NRCAM: variants seen among roughly 807,000 people sequenced by gnomAD.
NRCAM encodes neuronal cell adhesion molecule, also known as NgCAM-related cell adhesion molecule.
In NRCAM, 83 loss-of-function variants were observed where a neutral mutation model predicts 156.5. That is an observed-to-expected ratio of 0.53 (90% CI 0.44 to 0.64). The LOEUF is 0.64. Among genes scored for constraint, NRCAM ranks in the 30% least tolerant of loss-of-function variants. NRCAM has a pLI of 0.00. For missense variants in NRCAM, 1,417 were observed against 1,597.3 expected, an observed-to-expected ratio of 0.89 and a Z score of 1.92; for synonymous variants, 538 against 563.9, an observed-to-expected ratio of 0.95 and a Z score of 0.65.
chr7:108,197,999 A>C lies in NRCAM; in HGVS notation c.1308T>G (p.Asn436Lys). The part of the protein sequence containing the change: ...SSAVYQCNAS[N>K]EYGYLLANAF... The stretch of plus-strand genomic sequence containing the variant: ...CGTTTGCCAGTAAATATCCATATTC[A>C]TTAGAGGCATTGCACTGATAGACTG... Residue 436 changes from asparagine to lysine, a missense_variant, in exon 14 of 33, where the codon AAT (asparagine) becomes AAG (lysine). Coordinates refer to ENST00000379028, the MANE Select transcript of NRCAM (RefSeq NM_001037132.4). 1 of 1,588,692 alleles carries C rather than the reference A, an allele frequency of 6.3e-7. No homozygotes were observed.
At chr7:108,233,805 TA>T (rs2094588485) in intron 6 of NRCAM, among the ~76,000 whole-genome samples, 1 of 152,200 alleles carries the variant, frequency 6.6e-6, no homozygotes, top group African/African-American at 2.4e-5. Context: ...CATTACATTT[TA>T]ATAACAATAA....
At chr7:108,225,480 A>T (rs1482271742) in intron 10 of NRCAM, among the ~76,000 whole-genome samples, 165 bp downstream of exon 10, 1 of 152,226 alleles carries the variant, frequency 6.6e-6, no homozygotes, top group African/African-American at 2.4e-5. Context: ...CATGCTTCAA[A>T]GTTTATAGGT....
chr7:108,367,689 C>T (rs1287506941), intron 2 of NRCAM, among the ~76,000 whole-genome samples: 3 of 152,032 alleles, frequency 2.0e-5, no homozygotes, highest in Non-Finnish European at 4.4e-5. Context: ...GAGAGTCTCA[C>T]CTTTACCAAG....
At chr7:108,235,797 A>G (rs1024024071) in intron 5 of NRCAM, among the ~76,000 whole-genome samples, 1 of 152,174 alleles carries the variant, frequency 6.6e-6, no homozygotes, top group African/African-American at 2.4e-5. Flanking sequence ...CGTACAGGAC[A>G]ATTCCACACA....
At chr7:108,287,215 A>C (rs151045140) in intron 3 of NRCAM, among the ~76,000 whole-genome samples, 2 of 152,150 alleles carry the variant, frequency 1.3e-5, no homozygotes, top group Non-Finnish European at 2.9e-5. Context: ...AACTCTAAAA[A>C]TATGGAACAA....
intron 3 of NRCAM, among the ~76,000 whole-genome samples, chr7:108,248,852 T>C (rs2096144280): frequency 6.6e-6 from 1 of 152,146 alleles, no homozygotes; most frequent in South Asian, 2.1e-4. Context: ...ACGGGGAGCA[T>C]GGCCTATTCA....
At chr7:108,312,371 T>C (rs1423531485) in intron 3 of NRCAM, among the ~76,000 whole-genome samples, 1 of 152,150 alleles carries the variant, frequency 6.6e-6, no homozygotes, top group Non-Finnish European at 1.5e-5. Context: ...TAGCAGTGCT[T>C]TGCCTCTGCT....
chr7:108,149,901 G>C lies in NRCAM; in HGVS notation c.*9C>G. 1 of 1,599,574 alleles carries C rather than the reference G, an allele frequency of 6.3e-7. No individual in the cohort carries two copies. Among genetic ancestry groups the C allele is most frequent in the Non-Finnish European group, 8.5e-7 (1 of 1,173,542 alleles). Reference sequence around the variant, plus strand: ...TAGAGAAATGGAATATTGGCAAAGAGCTTAAAAATTAAACAAAGGAATTCA... The same window carrying C: ...TAGAGAAATGGAATATTGGCAAAGACCTTAAAAATTAAACAAAGGAATTCA... On this transcript the variant is annotated 3_prime_UTR_variant, in exon 33 of 33. Transcript: ENST00000379028.
intron 3 of NRCAM, among the ~76,000 whole-genome samples, chr7:108,289,287 T>G (rs1448403763): frequency 6.6e-6 from 1 of 152,158 alleles, no homozygotes; most frequent in Non-Finnish European, 1.5e-5. Context: ...AAATTGTGTA[T>G]ATTTACCATG....
chr7:108,377,910 C>A (rs944123138), intron 2 of NRCAM, among the ~76,000 whole-genome samples: 7 of 152,170 alleles, frequency 4.6e-5, no homozygotes, highest in African/African-American at 1.7e-4. Flanking sequence ...AGGCTACATT[C>A]TCTGTATGAC....
At chr7:108,208,214 G>A (rs995046744) in intron 12 of NRCAM, among the ~76,000 whole-genome samples, 1 of 151,988 alleles carries the variant, frequency 6.6e-6, no homozygotes, top group Non-Finnish European at 1.5e-5. Flanking sequence ...GCTGAGGCAG[G>A]AGAATTGCTT....
At position 108,426,112 on chromosome 7, in the gene NRCAM, T is replaced by C. The variant is rs1036932481; in HGVS notation, c.-331-26519A>G. Among the ~76,000 whole-genome samples the C allele has an allele frequency of 1.3e-4, 20 of 152,358 alleles. No homozygotes were observed. The East Asian group carries it at 3.9e-3, about 29-fold the overall frequency. ...CCAGGCATGCCTGAAGCAGGTCTGA[T>C]TATGTCTGTGTGACTAAGAAAATAG... On this transcript the variant is annotated intron_variant, in intron 1 of 32. Transcript: ENST00000379028.
intron 1 of NRCAM, among the ~76,000 whole-genome samples, chr7:108,439,906 G>A (rs896508705): frequency 1.3e-5 from 2 of 150,248 alleles, no homozygotes; most frequent in South Asian, 2.1e-4. Flanking sequence ...GGAACCCTCA[G>A]GCATTCCTGG....
intron 3 of NRCAM, among the ~76,000 whole-genome samples, chr7:108,298,860 C>A (rs188494038): frequency 6.6e-6 from 1 of 151,054 alleles, no homozygotes; most frequent in Non-Finnish European, 1.5e-5. Context: ...AATCCCAGCA[C>A]TTTGTGAAGC....
intron 27 of NRCAM, 122 bp from the exon 28 acceptor site, chr7:108,175,479 C>G: frequency 1.2e-6 from 1 of 843,508 alleles, no homozygotes; most frequent in Non-Finnish European, 1.8e-6. Context: ...ATGAAGTGTA[C>G]CACATCAGGT....
intron 1 of NRCAM, among the ~76,000 whole-genome samples, chr7:108,420,039 CGTGTGTGT>C (rs35840496): frequency 0.013 from 1,929 of 146,738 alleles, 34 homozygotes; most frequent in African/African-American, 0.045. Flanking sequence ...TTAGTTCCAT[CGTGTGTGT>C]GTGTGTGTGT....
intron 2 of NRCAM, among the ~76,000 whole-genome samples, chr7:108,337,305 C>T (rs546253839): frequency 1.3e-5 from 2 of 152,164 alleles, no homozygotes; most frequent in African/African-American, 2.4e-5. Context: ...TTTGGGTCCC[C>T]TCCCTTTGTA....
At chr7:108,273,286 T>C (rs2097445420) in intron 3 of NRCAM, among the ~76,000 whole-genome samples, 1 of 152,314 alleles carries the variant, frequency 6.6e-6, no homozygotes, top group African/African-American at 2.4e-5. Context: ...CTGGGTCAAA[T>C]GGTATTTCTA....
chr7:108,335,901 T>C (rs1028622192), intron 2 of NRCAM, among the ~76,000 whole-genome samples: 1 of 152,192 alleles, frequency 6.6e-6, no homozygotes, highest in Non-Finnish European at 1.5e-5. Context: ...AGCACTACCA[T>C]TGATGGGGAT....
Sources: allele counts gnomAD v4.1 joint callset (sites outside exome capture counted in the v4.1 genomes callset), GRCh38; gene constraint gnomAD v4.1.1; transcripts MANE v1.5; gene names NCBI Gene and HGNC (gene_info 2026-07-23, HGNC 2026-07-21).